Variants in SUMF1 observed in about 807,000 individuals in gnomAD.
SUMF1 encodes the protein sulfatase modifying factor 1.
In SUMF1, 48 loss-of-function variants were observed where a neutral mutation model predicts 47.6. The ratio of observed to expected loss-of-function variants is 1.01; its 90% confidence interval spans 0.80 to 1.28. The LOEUF is 1.28. Ranked by LOEUF, SUMF1 falls within the 50% of genes most tolerant of loss-of-function variation. The probability of loss-of-function intolerance (pLI) is 0.00; values close to 1 mark genes in which losing one functional copy is unlikely to be tolerated. For synonymous variants in SUMF1, 230 were observed against 192.1 expected, an observed-to-expected ratio of 1.20 and a Z score of -1.63; for missense variants, 571 against 485.4, an observed-to-expected ratio of 1.18 and a Z score of -1.66.
chr3:4,071,591 C>G (rs1030949656), intron 8 of SUMF1, among the ~76,000 whole-genome samples: 1 of 152,176 alleles, frequency 6.6e-6, no homozygotes, highest in Non-Finnish European at 1.5e-5. Flanking sequence ...GAGTCTGAGA[C>G]GACCTGGGAT....
chr3:4,066,517 C>T (rs1695379064), intron 9 of SUMF1, among the ~76,000 whole-genome samples: 1 of 152,082 alleles, frequency 6.6e-6, no homozygotes, highest in Admixed American at 6.5e-5. Flanking sequence ...CTCAGGAAAT[C>T]GACCCTCAGG....
chr3:4,335,827 G>GTA (rs1699135413), intron 8 of SUMF1, among the ~76,000 whole-genome samples: 2 of 151,906 alleles, frequency 1.3e-5, no homozygotes, highest in Non-Finnish European at 2.9e-5. Flanking sequence ...CAGTGTGGTG[G>GTA]CGGGCACATG....
At chr3:4,251,866 G>A (rs2125010926) in intron 8 of SUMF1, among the ~76,000 whole-genome samples, 1 of 152,236 alleles carries the variant, frequency 6.6e-6, no homozygotes, top group East Asian at 1.9e-4. Flanking sequence ...ATTTTTTTTA[G>A]CAATGAAGTA....
At chr3:4,109,563 A>G (rs1051138949) in intron 8 of SUMF1, among the ~76,000 whole-genome samples, 1 of 152,072 alleles carries the variant, frequency 6.6e-6, no homozygotes, top group Non-Finnish European at 1.5e-5. Context: ...CAGGTACACC[A>G]ATCAGACGTA....
intron 8 of SUMF1, among the ~76,000 whole-genome samples, chr3:4,113,886 T>C (rs1259976524): frequency 6.6e-6 from 1 of 152,082 alleles, no homozygotes; most frequent in East Asian, 1.9e-4. Flanking sequence ...ATATACAAAG[T>C]GCATTTGTCT....
At chr3:4,278,974 G>A (rs1324356699) in intron 8 of SUMF1, among the ~76,000 whole-genome samples, 1 of 152,092 alleles carries the variant, frequency 6.6e-6, no homozygotes, top group African/African-American at 2.4e-5. Flanking sequence ...TCTAGGCTTT[G>A]TAGTTTGTAT....
At chr3:4,165,779 G>A (rs1243845315) in intron 8 of SUMF1, among the ~76,000 whole-genome samples, 2 of 151,546 alleles carry the variant, frequency 1.3e-5, no homozygotes, top group East Asian at 3.9e-4. Flanking sequence ...AATGGCTTAG[G>A]ATGCATTTCA....
chr3:4,141,652 G>C (rs1694073549), intron 8 of SUMF1, among the ~76,000 whole-genome samples: 2 of 152,080 alleles, frequency 1.3e-5, no homozygotes, highest in South Asian at 2.1e-4. Context: ...AACAGAGCAA[G>C]ATCCTGCTTC....
chr3:4,458,630 G>A (rs1384163269), intron 1 of SUMF1, among the ~76,000 whole-genome samples: 1 of 152,088 alleles, frequency 6.6e-6, no homozygotes, highest in Non-Finnish European at 1.5e-5. Context: ...CCGAGGCAAG[G>A]GGATCATGAG....
At chr3:4,286,981 A>C (rs1232266731) in intron 8 of SUMF1, among the ~76,000 whole-genome samples, 2 of 152,176 alleles carry the variant, frequency 1.3e-5, no homozygotes, top group Non-Finnish European at 2.9e-5. Flanking sequence ...AGATCATTAC[A>C]GGTGGTCTGC....
At chr3:4,068,695 C>T (rs900762608) in exon 9 of SUMF1, 1 of 449,330 alleles carries the variant, frequency 2.2e-6, no homozygotes, top group Non-Finnish European at 4.5e-6. Context: ...TGTGTCTTCT[C>T]AACATCTCAG....
intron 8 of SUMF1, among the ~76,000 whole-genome samples, chr3:4,205,931 A>G (rs1395259429): frequency 6.6e-6 from 1 of 152,052 alleles, no homozygotes; most frequent in African/African-American, 2.4e-5. Flanking sequence ...CTGCCTGGCT[A>G]CCACTAATGT....
intron 8 of SUMF1, among the ~76,000 whole-genome samples, chr3:4,179,603 T>C (rs1050559896): frequency 3.3e-5 from 5 of 151,982 alleles, no homozygotes; most frequent in African/African-American, 1.2e-4. Context: ...GAAGAAAACC[T>C]AGGCAATACC....
At chr3:4,260,203 T>G (rs1697055604) in intron 8 of SUMF1, among the ~76,000 whole-genome samples, 1 of 152,088 alleles carries the variant, frequency 6.6e-6, no homozygotes, top group East Asian at 1.9e-4. Context: ...AATATGCAAA[T>G]GCTCGCACAG....
intron 8 of SUMF1, among the ~76,000 whole-genome samples, chr3:4,234,088 A>G (rs1696356589): frequency 6.6e-6 from 1 of 152,120 alleles, no homozygotes; most frequent in African/African-American, 2.4e-5. Context: ...AAAGATGCAC[A>G]ATGCTAACAA....
chr3:4,436,460 A>G (rs893072895), intron 3 of SUMF1, among the ~76,000 whole-genome samples: 1 of 152,178 alleles, frequency 6.6e-6, no homozygotes, highest in Non-Finnish European at 1.5e-5. Flanking sequence ...AACATTCAAA[A>G]GTGAGGTTAA....
chr3:4,255,725 G>C (rs1257808781), intron 8 of SUMF1, among the ~76,000 whole-genome samples: 2 of 135,092 alleles, frequency 1.5e-5, no homozygotes, highest in Non-Finnish European at 3.1e-5. Flanking sequence ...AAGTCAACAA[G>C]GATACCCAGG....
chr3:4,089,678 C>T (rs1313640203), intron 8 of SUMF1, among the ~76,000 whole-genome samples: 1 of 152,122 alleles, frequency 6.6e-6, no homozygotes, highest in Non-Finnish European at 1.5e-5. Context: ...TCCTAAAGGC[C>T]TCAAACCTAT....
intron 8 of SUMF1, among the ~76,000 whole-genome samples, chr3:4,215,545 G>A (rs1183272182): frequency 6.6e-6 from 1 of 152,026 alleles, no homozygotes; most frequent in Admixed American, 6.6e-5. Flanking sequence ...TTCTGGCCAG[G>A]GCAATCAGGC....
Sources: allele counts gnomAD v4.1 joint callset (sites outside exome capture counted in the v4.1 genomes callset), GRCh38; gene constraint gnomAD v4.1.1; transcripts MANE v1.5; gene names NCBI Gene and HGNC (gene_info 2026-07-23, HGNC 2026-07-21).